The following TLX2 variants were observed in gnomAD, a reference collection of about 807,000 sequenced individuals.
TLX2 encodes the protein T cell leukemia homeobox 2.
Under a neutral mutation model 21.7 loss-of-function variants are expected in TLX2, and 15 were observed. The observed-to-expected ratio is 0.69, with a 90% CI of 0.46 to 1.07. TLX2 has a LOEUF of 1.07. TLX2 is among the 50% of genes least tolerant of loss of function. The probability of loss-of-function intolerance (pLI) is 0.00; values close to 1 mark genes in which losing one functional copy is unlikely to be tolerated. For synonymous variants in TLX2, 213 were observed against 193.1 expected (o/e 1.10, Z -0.85); for missense variants, 384 against 409.1 (o/e 0.94, Z 0.53).
At position 74,515,040 on chromosome 2, in the gene TLX2, C is replaced by T. The variant is rs557539190; in HGVS notation, c.234C>T (p.Gly78=). 3 of 1,519,042 alleles carry T rather than the reference C, an allele frequency of 2.0e-6. No individual in the cohort carries two copies. Among genetic ancestry groups the T allele is most frequent in the East Asian group, 2.6e-5 (1 of 38,076 alleles). 94.1% of individuals were successfully genotyped at this position (1,519,042 alleles called of 1,614,324 possible). ...CCGGCAGCTCCGGAGTGGGCCCAGG[C>T]GGCGTGATCCGCGTCCCTGCGCACC... ...PLPGSSGVGP[G]GVIRVPAHRP... The change falls in exon 1 of 3, where the codon GGC becomes GGT. Residue 78 remains glycine, a synonymous_variant. Transcript: ENST00000233638. The surrounding 1 kb of genome is among the most constrained non-coding windows in gnomAD (Gnocchi z 6.6).
chr2:74,514,924 G>A lies in TLX2; in HGVS notation c.118G>A (p.Gly40Arg), dbSNP rs1256067430. The change falls in exon 1 of 3, where the codon GGG becomes AGG. Residue 40 changes from glycine to arginine, a missense_variant. By Grantham distance (125) the Gly-to-Arg change is moderately radical (BLOSUM62 -2). Transcript: ENST00000233638. The surrounding 1 kb of genome is among the most constrained non-coding windows in gnomAD (Gnocchi z 5.0). The stretch of plus-strand genomic sequence containing the variant: ...AGGGGGCGGTCTAGGCCTGGGTCGC[G>A]GGGGCCAGGGTCATGGGGAGAATGG... The part of the protein sequence containing the change: ...TPGGGLGLGR[G>R]GQGHGENGAF... 1 of 1,607,482 alleles carries A rather than the reference G, an allele frequency of 6.2e-7. No individual in the cohort carries two copies. The highest frequency in any genetic ancestry group is 8.5e-7 in the Non-Finnish European group (1 of 1,177,536).
In TLX2 at chr2:74,516,077, C is replaced by T. The variant is rs751838252; in HGVS notation, c.743C>T (p.Pro248Leu). 30 of 1,600,560 alleles carry T rather than the reference C, an allele frequency of 1.9e-5. No homozygotes were observed. The South Asian group carries it at 3.2e-4, about 17-fold the overall frequency. Residue 248 changes from proline (P) to leucine (L), a missense_variant, in exon 3 of 3, where the codon CCC (proline) becomes CTC (leucine). Physicochemically the swap from Pro to Leu is moderately conservative, Grantham distance 98 (BLOSUM62 -3). Transcript: ENST00000233638. ...CCACGGCCGCTGCGGCCGCCGCTGC[C>T]CCCGGACCCTCTCTGCCTGCACAAC... ...ALPRPLRPPL[P>L]PDPLCLHNSS...
Position 74,514,459 on chromosome 2 carries a change from C to G in TLX2, c.-348C>G. The G allele has an allele frequency of 8.0e-7, 1 of 1,244,272 alleles. No homozygotes were observed. Among genetic ancestry groups the G allele is most frequent in the Non-Finnish European group, 1.0e-6 (1 of 981,600 alleles). 77.1% of individuals were successfully genotyped at this position (1,244,272 alleles called of 1,614,324 possible). A position where few individuals can be genotyped will look rare whatever the true frequency, so the allele number is the denominator to read the frequency against. On this transcript the variant is annotated 5_prime_UTR_variant, in exon 1 of 3. Transcript: ENST00000233638. This position sits in a 1 kb window ranked among gnomAD's most constrained non-coding sequence, Gnocchi z 5.0. ...CCCGGGCCGATCCGTCAGTCACTGC[C>G]CCAGCCGGAGCTGGCCAACCCTCTC...
Position 74,515,500 on chromosome 2 carries a change from G to A in TLX2, c.401-133G>A. 1 of 1,085,110 alleles carries A rather than the reference G, an allele frequency of 9.2e-7. No individual in the cohort carries two copies. The highest frequency in any genetic ancestry group is 1.5e-5 in the South Asian group (1 of 66,258). The allele number at this position is 1,085,110 out of a possible 1,614,324, so 67.2% of individuals were successfully genotyped here. On this transcript the variant is annotated intron_variant, in intron 1 of 2. Coordinates refer to ENST00000233638, the MANE Select transcript of TLX2 (RefSeq NM_016170.5). The surrounding 1 kb of genome is among the most constrained non-coding windows in gnomAD (Gnocchi z 6.6). The stretch of plus-strand genomic sequence containing the variant: ...GGGGAAGGGCCTTTCTTGGCTATAG[G>A]GCTCGGCTGATGCTTAGGGCCCGGG...
chr2:74,514,537 G>A lies in TLX2; in HGVS notation c.-270G>A. On this transcript the variant is annotated 5_prime_UTR_variant, in exon 1 of 3. Transcript: ENST00000233638. This position sits in a 1 kb window ranked among gnomAD's most constrained non-coding sequence, Gnocchi z 5.0. ...CAGCCCAGCGTCTATTTGCGCTTAA[G>A]AGCCAGCAAGGAAGCTCCAGGGGCC... 1 of 1,357,400 alleles carries A rather than the reference G, an allele frequency of 7.4e-7. No homozygotes were observed. The highest frequency in any genetic ancestry group is 9.5e-7 in the Non-Finnish European group (1 of 1,056,586). The allele number at this position is 1,357,400 out of a possible 1,614,324, so 84.1% of individuals were successfully genotyped here. A position where few individuals can be genotyped will look rare whatever the true frequency, so the allele number is the denominator to read the frequency against.
In TLX2 at chr2:74,515,348, G is replaced by A; in HGVS notation, c.400+142G>A. ...GGATCCTCCCCCAACTCAAATCTCT[G>A]GGTCCTGCCTCCGAGAGGTGATGGG... On this transcript the variant is annotated intron_variant, in intron 1 of 2. Transcript: ENST00000233638. The surrounding 1 kb of genome is among the most constrained non-coding windows in gnomAD (Gnocchi z 6.6). 1.3e-6 allele frequency: 2 copies of A among 1,487,846 alleles called. No homozygotes were observed. Among genetic ancestry groups the A allele is most frequent in the Non-Finnish European group, 1.8e-6 (2 of 1,116,890 alleles). The allele number at this position is 1,487,846 out of a possible 1,614,324, so 92.2% of individuals were successfully genotyped here. A position where few individuals can be genotyped will look rare whatever the true frequency, so the allele number is the denominator to read the frequency against.
Position 74,515,452 on chromosome 2 carries a change from G to C in TLX2, c.401-181G>C. On this transcript the variant is annotated intron_variant, in intron 1 of 2. Coordinates refer to ENST00000233638, the MANE Select transcript of TLX2 (RefSeq NM_016170.5). The surrounding 1 kb of genome is among the most constrained non-coding windows in gnomAD (Gnocchi z 6.6). ...GTGGGGAGGGGAGGGTGAAGTTACA[G>C]GGGACGTCTCCCTCGCATCCCAGGG... Among the ~76,000 whole-genome samples the C allele has an allele frequency of 6.6e-6, 1 of 152,152 alleles. No homozygotes were observed. The highest frequency in any genetic ancestry group is 1.5e-5 in the Non-Finnish European group (1 of 68,018).
In TLX2 at chr2:74,516,262, C is replaced by T; in HGVS notation, c.*73C>T. On this transcript the variant is annotated 3_prime_UTR_variant, in exon 3 of 3. Coordinates refer to ENST00000233638, the MANE Select transcript of TLX2 (RefSeq NM_016170.5). ...GCGCGCGGCTGCCTGCGTCCATGGT[C>T]TAGTGGCAGCCGGGCGCGTGAGGAG... is the stretch of plus-strand genomic sequence containing the variant. The T allele has an allele frequency of 1.9e-6, 3 of 1,550,968 alleles. No individual in the cohort carries two copies. Among genetic ancestry groups the T allele is most frequent in the Non-Finnish European group, 2.6e-6 (3 of 1,152,830 alleles).
chr2:74,514,473 G>A lies in TLX2; in HGVS notation c.-334G>A. The A allele has an allele frequency of 7.9e-7, 1 of 1,258,776 alleles. No individual in the cohort carries two copies. The highest frequency in any genetic ancestry group is 1.0e-6 in the Non-Finnish European group (1 of 992,174). 78.0% of individuals were successfully genotyped at this position (1,258,776 alleles called of 1,614,324 possible). On this transcript the variant is annotated 5_prime_UTR_variant, in exon 1 of 3. Coordinates refer to ENST00000233638, the MANE Select transcript of TLX2 (RefSeq NM_016170.5). The surrounding 1 kb of genome is among the most constrained non-coding windows in gnomAD (Gnocchi z 5.0). ...TCAGTCACTGCCCCAGCCGGAGCTG[G>A]CCAACCCTCTCCACCCGGGACTTGG...
chr2:74,514,928 GC>G lies in TLX2; in HGVS notation c.124del (p.Gln42ArgfsTer39). 6.2e-7 allele frequency: 1 copy of G among 1,607,356 alleles called. No homozygotes were observed. The highest frequency in any genetic ancestry group is 8.5e-7 in the Non-Finnish European group (1 of 1,177,484). On this transcript the variant is annotated frameshift_variant, in exon 1 of 3. Transcript: ENST00000233638. LOFTEE classifies it high-confidence loss of function. This position sits in a 1 kb window ranked among gnomAD's most constrained non-coding sequence, Gnocchi z 5.0. ...PGGGLGLGRGGQGHGENGAFS... is the reference protein window; with the variant it reads ...PGGGLGLGRGXQGHGENGAFS... Reference sequence around the variant, plus strand: ...GGCGGTCTAGGCCTGGGTCGCGGGGGCCAGGGTCATGGGGAGAATGGGGCGT... The same window carrying G: ...GGCGGTCTAGGCCTGGGTCGCGGGGGCAGGGTCATGGGGAGAATGGGGCGT...
In TLX2 at chr2:74,516,592, G is replaced by C. The variant is rs1008970645; in HGVS notation, c.*403G>C. On this transcript the variant is annotated 3_prime_UTR_variant, in exon 3 of 3. Coordinates refer to ENST00000233638, the MANE Select transcript of TLX2 (RefSeq NM_016170.5). The stretch of plus-strand genomic sequence containing the variant: ...CTCTAGCGGCGTTGCGCGCGGTGCC[G>C]GCTGGGTCTGTACCAAAGGTGTGAA... The C allele has an allele frequency of 1.9e-6, 2 of 1,076,644 alleles. No individual in the cohort carries two copies. Among genetic ancestry groups the C allele is most frequent in the East Asian group, 1.5e-4 (2 of 13,260 alleles). The allele number at this position is 1,076,644 out of a possible 1,614,324, so 66.7% of individuals were successfully genotyped here.
chr2:74,515,094 G>A lies in TLX2; in HGVS notation c.288G>A (p.Gly96=), dbSNP rs2233313. ...HRPLPVPPPA[G]GAPAVPGPSG... ...CGCTGCCTGTGCCGCCGCCCGCTGG[G>A]GGGGCGCCTGCAGTGCCTGGGCCCT... is the stretch of plus-strand genomic sequence containing the variant. The change falls in exon 1 of 3, where the codon GGG becomes GGA. Residue 96 remains glycine (G), a synonymous_variant. Coordinates refer to ENST00000233638, the MANE Select transcript of TLX2 (RefSeq NM_016170.5). This position sits in a 1 kb window ranked among gnomAD's most constrained non-coding sequence, Gnocchi z 6.6. 7 of 1,526,926 alleles carry A rather than the reference G, an allele frequency of 4.6e-6. No individual in the cohort carries two copies. Among genetic ancestry groups the A allele is most frequent in the Non-Finnish European group, 6.1e-6 (7 of 1,139,500 alleles). The allele number at this position is 1,526,926 out of a possible 1,614,324, so 94.6% of individuals were successfully genotyped here. A position where few individuals can be genotyped will look rare whatever the true frequency, so the allele number is the denominator to read the frequency against.
Position 74,517,079 on chromosome 2 carries a change from A to T in TLX2, c.*890A>T, listed in dbSNP as rs951035559. 1 of 152,314 alleles carries T rather than the reference A, an allele frequency of 6.6e-6. No homozygotes were observed. The highest frequency in any genetic ancestry group is 2.4e-5 in the African/African-American group (1 of 41,464). 9.4% of individuals were successfully genotyped at this position (152,314 alleles called of 1,614,324 possible). On this transcript the variant is annotated 3_prime_UTR_variant, in exon 3 of 3. Coordinates refer to ENST00000233638, the MANE Select transcript of TLX2 (RefSeq NM_016170.5). ...GGATGATGAAAGGGAAATTGGGAAG[A>T]CTGGAGCAAAATTAACTGTATAGGC...
Position 74,515,222 on chromosome 2 carries a change from C to T in TLX2, c.400+16C>T, listed in dbSNP as rs1180307770. 4 of 1,538,248 alleles carry T rather than the reference C, an allele frequency of 2.6e-6. No homozygotes were observed. Among genetic ancestry groups the T allele is most frequent in the South Asian group, 1.2e-5 (1 of 84,200 alleles). ...CGGCTCACGGGTGAGGTTGTCTGACCCCTCCAGCGTCACGCCCGACTCTGA... is the reference window on the plus strand; with the variant it reads ...CGGCTCACGGGTGAGGTTGTCTGACTCCTCCAGCGTCACGCCCGACTCTGA... On this transcript the variant is annotated intron_variant, in intron 1 of 2. Coordinates refer to ENST00000233638, the MANE Select transcript of TLX2 (RefSeq NM_016170.5). The surrounding 1 kb of genome is among the most constrained non-coding windows in gnomAD (Gnocchi z 6.6).
chr2:74,514,866 C>T lies in TLX2; in HGVS notation c.60C>T (p.Gly20=), dbSNP rs1238931807. The change falls in exon 1 of 3, where the codon GGC becomes GGT. Residue 20 remains glycine, a synonymous_variant. Coordinates refer to ENST00000233638, the MANE Select transcript of TLX2 (RefSeq NM_016170.5). The surrounding 1 kb of genome is among the most constrained non-coding windows in gnomAD (Gnocchi z 5.0). ...CACACCACGAGCCAATCAGCTTCGGCATCGATCAGATCCTGAGCGGCCCCG... is the reference window on the plus strand; with the variant it reads ...CACACCACGAGCCAATCAGCTTCGGTATCGATCAGATCCTGAGCGGCCCCG... ...NLPHHEPISF[G]IDQILSGPET... 1.9e-6 allele frequency: 3 copies of T among 1,613,078 alleles called. No individual in the cohort carries two copies. Among genetic ancestry groups the T allele is most frequent in the Non-Finnish European group, 2.5e-6 (3 of 1,179,670 alleles).
At position 74,515,087 on chromosome 2, in the gene TLX2, C is replaced by T. The variant is rs1674849265; in HGVS notation, c.281C>T (p.Pro94Leu). Residue 94 changes from proline (P) to leucine (L), a missense_variant, in exon 1 of 3, where the codon CCC becomes CTC. Pro to Leu is a moderately conservative substitution (Grantham distance 98, BLOSUM62 -3). Coordinates refer to ENST00000233638, the MANE Select transcript of TLX2 (RefSeq NM_016170.5). This position sits in a 1 kb window ranked among gnomAD's most constrained non-coding sequence, Gnocchi z 6.6. ...PAHRPLPVPP[P>L]AGGAPAVPGP... ...CACCGCCCGCTGCCTGTGCCGCCGC[C>T]CGCTGGGGGGGCGCCTGCAGTGCCT... The T allele has an allele frequency of 6.6e-7, 1 of 1,525,460 alleles. No individual in the cohort carries two copies. The highest frequency in any genetic ancestry group is 8.8e-7 in the Non-Finnish European group (1 of 1,138,794). 94.5% of individuals were successfully genotyped at this position (1,525,460 alleles called of 1,614,324 possible). A position where few individuals can be genotyped will look rare whatever the true frequency, so the allele number is the denominator to read the frequency against.
chr2:74,516,583 C>G lies in TLX2; in HGVS notation c.*394C>G, dbSNP rs1026215152. The stretch of plus-strand genomic sequence containing the variant: ...TCTGAGGGGCTCTAGCGGCGTTGCG[C>G]GCGGTGCCGGCTGGGTCTGTACCAA... On this transcript the variant is annotated 3_prime_UTR_variant, in exon 3 of 3. Coordinates refer to ENST00000233638, the MANE Select transcript of TLX2 (RefSeq NM_016170.5). 27 of 1,111,478 alleles carry G rather than the reference C, an allele frequency of 2.4e-5. No individual in the cohort carries two copies. In the African/African-American group the frequency reaches 3.1e-4, roughly 13 times the overall value. The allele number at this position is 1,111,478 out of a possible 1,614,324, so 68.9% of individuals were successfully genotyped here.
rs80002663 is a variant in TLX2, at chr2:74,514,774, C to G, written c.-33C>G. On this transcript the variant is annotated 5_prime_UTR_variant, in exon 1 of 3. Coordinates refer to ENST00000233638, the MANE Select transcript of TLX2 (RefSeq NM_016170.5). This position sits in a 1 kb window ranked among gnomAD's most constrained non-coding sequence, Gnocchi z 5.0. ...TGCCTGAGGCATCCTCCCCAACCAC[C>G]GAACCTCCGGCGGTTCTCCTCGGCC... The G allele has an allele frequency of 1.9e-6, 3 of 1,611,332 alleles. No individual in the cohort carries two copies. Among genetic ancestry groups the G allele is most frequent in the East Asian group, 4.5e-5 (2 of 44,758 alleles).
chr2:74,516,630 C>A lies in TLX2; in HGVS notation c.*441C>A. Reference sequence around the variant, plus strand: ...CCAAAGGTGTGAAGGAAAGAAGACACCGACCACGGCGAAGCAATAGAGGGG... The same window carrying A: ...CCAAAGGTGTGAAGGAAAGAAGACAACGACCACGGCGAAGCAATAGAGGGG... On this transcript the variant is annotated 3_prime_UTR_variant, in exon 3 of 3. Coordinates refer to ENST00000233638, the MANE Select transcript of TLX2 (RefSeq NM_016170.5). 2.7e-6 allele frequency: 2 copies of A among 743,206 alleles called. No individual in the cohort carries two copies. The highest frequency in any genetic ancestry group is 3.5e-6 in the Non-Finnish European group (2 of 578,812). The allele number at this position is 743,206 out of a possible 1,614,324, so 46.0% of individuals were successfully genotyped here.
Sources: allele counts gnomAD v4.1 joint callset (sites outside exome capture counted in the v4.1 genomes callset), GRCh38; gene constraint gnomAD v4.1.1; non-coding constraint Gnocchi (gnomAD v3.1); transcripts MANE v1.5; gene names NCBI Gene and HGNC (gene_info 2026-07-23, HGNC 2026-07-21).